The following EML1 variants were observed in gnomAD, a reference collection of about 807,000 sequenced individuals.
EML1 encodes echinoderm microtubule-associated protein-like 1.
EML1 carries 27 observed loss-of-function variants against 110.4 expected under a neutral mutation model. That is an observed-to-expected ratio of 0.24 (90% CI 0.18 to 0.34). The LOEUF is 0.34. Ranked by LOEUF, EML1 falls within the 10% of genes least tolerant of loss-of-function variation. The pLI is 1.00. For missense variants in EML1, 741 were observed against 1,030.9 expected, an observed-to-expected ratio of 0.72 and a Z score of 3.85; for synonymous variants, 344 against 385.8, an observed-to-expected ratio of 0.89 and a Z score of 1.27.
At chr14:99,838,316 G>T (rs2058573763) in intron 1 of EML1, among the ~76,000 whole-genome samples, 1 of 152,056 alleles carries the variant, frequency 6.6e-6, no homozygotes, top group Non-Finnish European at 1.5e-5. Context: ...TCTTTTTGCT[G>T]AAAGACTTTG....
intron 10 of EML1, among the ~76,000 whole-genome samples, chr14:99,908,902 T>C (rs2059901371): frequency 6.6e-6 from 1 of 152,116 alleles, no homozygotes; most frequent in Admixed American, 6.5e-5. Context: ...AGATAGGGGG[T>C]GAGGCCTAGA....
chr14:99,739,413 A>G (rs2057015475), intron 1 of EML1, among the ~76,000 whole-genome samples: 1 of 152,146 alleles, frequency 6.6e-6, no homozygotes, highest in Non-Finnish European at 1.5e-5. Context: ...CCAGGACAAT[A>G]TTTAGCCCGT....
chr14:99,901,364 C>T (rs558050176), intron 9 of EML1, among the ~76,000 whole-genome samples: 59 of 152,292 alleles, frequency 3.9e-4, no homozygotes, highest in African/African-American at 1.4e-3. Context: ...TCAAGGGTGG[C>T]TCCAGCGTGT....
intron 1 of EML1, among the ~76,000 whole-genome samples, chr14:99,778,327 C>A (rs551538596): frequency 6.6e-6 from 1 of 152,304 alleles, no homozygotes; most frequent in South Asian, 2.1e-4. Context: ...CTTTCTTAGA[C>A]AATTTTTTGT....
chr14:99,792,981 GGTGTCC>G (rs1275994927), upstream of EML1: 2 of 152,064 alleles, frequency 1.3e-5, no homozygotes, highest in African/African-American at 4.8e-5. Context: ...GGTGGGCTTG[GGTGTCC>G]GTGGCGGAGG....
At chr14:99,808,074 G>A (rs1367994164) in intron 1 of EML1, among the ~76,000 whole-genome samples, 1 of 152,100 alleles carries the variant, frequency 6.6e-6, no homozygotes, top group African/African-American at 2.4e-5. Flanking sequence ...ATCTGTCCCG[G>A]ATTACTTGGT....
intron 17 of EML1, among the ~76,000 whole-genome samples, chr14:99,924,374 G>T (rs2060195865): frequency 6.6e-6 from 1 of 152,126 alleles, no homozygotes. Context: ...CCCCACACAG[G>T]TGCCTGAAAC....
intron 3 of EML1, among the ~76,000 whole-genome samples, chr14:99,869,952 C>T (rs927351714): frequency 2.6e-5 from 4 of 152,210 alleles, no homozygotes; most frequent in African/African-American, 9.7e-5. Context: ...CCTGGACAGC[C>T]TGCAGAACTG....
chr14:99,783,762 C>T (rs752135203), intron 1 of EML1, among the ~76,000 whole-genome samples: 2 of 152,136 alleles, frequency 1.3e-5, no homozygotes, highest in East Asian at 1.9e-4. Flanking sequence ...GGATTATAGG[C>T]GTGAGCCACC....
At chr14:99,923,395 T>C (rs1048319382) in intron 17 of EML1, among the ~76,000 whole-genome samples, 2 of 152,220 alleles carry the variant, frequency 1.3e-5, no homozygotes, top group Non-Finnish European at 2.9e-5. Context: ...AGAGTTGTTT[T>C]AGCCCTTGCA....
At chr14:99,844,420 A>G (rs1387156761) in intron 1 of EML1, among the ~76,000 whole-genome samples, 1 of 151,602 alleles carries the variant, frequency 6.6e-6, no homozygotes, top group Non-Finnish European at 1.5e-5. Flanking sequence ...TGGAGGTTGC[A>G]GTGAGCTGAG....
rs140321677 is a variant in EML1 at position 99,874,648 on chromosome 14, G to A, written c.384-3837G>A. Among the ~76,000 whole-genome samples the A allele has an allele frequency of 1.2e-3, 178 of 152,302 alleles. 1 individual carries two copies. The highest frequency in any genetic ancestry group is 3.9e-3 in the African/African-American group (162 of 41,548). On this transcript the variant is annotated intron_variant, in intron 3 of 21. Transcript: ENST00000262233. The stretch of plus-strand genomic sequence containing the variant: ...AGTAAATCCTCTTTAATTCATAAGA[G>A]CCCTTGGTTCTCAAAAGGAAATGTC...
chr14:99,801,721 C>T lies in EML1; in HGVS notation c.67+8178C>T, dbSNP rs111940608. 3.0e-3 allele frequency among the ~76,000 whole-genome samples: 461 copies of T among 152,294 alleles called. 2 individuals carry two copies. The highest frequency in any genetic ancestry group is 0.011 in the African/African-American group (448 of 41,562). Reference sequence around the variant, plus strand: ...TTCTGCACCCCAAACGTCTCATCATCCATCCCTTCCTCCCTGGCTCGGGCC... The same window carrying T: ...TTCTGCACCCCAAACGTCTCATCATTCATCCCTTCCTCCCTGGCTCGGGCC... On this transcript the variant is annotated intron_variant, in intron 1 of 21. Coordinates refer to ENST00000262233, the MANE Select transcript of EML1 (RefSeq NM_004434.3).
intron 5 of EML1, among the ~76,000 whole-genome samples, chr14:99,891,656 T>C (rs2059589918): frequency 6.6e-6 from 1 of 152,236 alleles, no homozygotes; most frequent in South Asian, 2.1e-4. Context: ...GCTTTTCTTT[T>C]TCTGCCTATG....
chr14:99,772,605 T>C (rs577782055), upstream of EML1, among the ~76,000 whole-genome samples: 2 of 152,346 alleles, frequency 1.3e-5, no homozygotes, highest in Admixed American at 6.5e-5. Context: ...CCTCCAGGCA[T>C]TGTTTTTATT....
intron 1 of EML1, among the ~76,000 whole-genome samples, chr14:99,800,144 G>A (rs999194558): frequency 1.3e-5 from 2 of 151,988 alleles, no homozygotes; most frequent in African/African-American, 2.4e-5. Context: ...GATACCACCC[G>A]TCACCCCCAG....
chr14:99,763,385 A>C (rs1390979066), intron 1 of EML1, among the ~76,000 whole-genome samples: 1 of 152,190 alleles, frequency 6.6e-6, no homozygotes, highest in African/African-American at 2.4e-5. Flanking sequence ...AGACATGGAC[A>C]CACCTACTAT....
rs375845032 is a variant in EML1 at position 99,856,512 on chromosome 14, G to A, written c.250+5477G>A. Among the ~76,000 whole-genome samples, 108 of 152,242 alleles carry A rather than the reference G, an allele frequency of 7.1e-4. 1 individual carries two copies. The highest frequency in any genetic ancestry group is 2.5e-3 in the African/African-American group (103 of 41,536). ...ATAATTAACTTAGTTCTTTATCCTG[G>A]TTAACCAAAATTAAGGAGCAAGTGG... On this transcript the variant is annotated intron_variant, in intron 2 of 21. Coordinates refer to ENST00000262233, the MANE Select transcript of EML1 (RefSeq NM_004434.3).
At chr14:99,917,082 G>A (rs957959878) in intron 15 of EML1, among the ~76,000 whole-genome samples, 28 of 152,168 alleles carry the variant, frequency 1.8e-4, no homozygotes, top group African/African-American at 5.8e-4. Context: ...TCCGTGTCAT[G>A]GAGTTGGGTG....
Sources: allele counts gnomAD v4.1 joint callset (sites outside exome capture counted in the v4.1 genomes callset), GRCh38; gene constraint gnomAD v4.1.1; transcripts MANE v1.5; gene names NCBI Gene and HGNC (gene_info 2026-07-23, HGNC 2026-07-21).